CRELD1: variants seen among roughly 807,000 people sequenced by gnomAD.
CRELD1 encodes the protein CRELD disulfide isomerase 1, also known as protein disulfide isomerase CRELD1.
A neutral mutation model predicts 58.2 loss-of-function variants in CRELD1; 42 were observed. The observed-to-expected ratio is 0.72, with a 90% CI of 0.56 to 0.93. CRELD1 has a LOEUF of 0.93. Ranked by LOEUF, CRELD1 falls within the 40% of genes least tolerant of loss-of-function variation. CRELD1 has a pLI of 0.00. For synonymous variants in CRELD1, 222 were observed against 202.0 expected (o/e 1.10, Z -0.84); for missense variants, 500 against 540.6 (o/e 0.92, Z 0.74).
At chr3:9,935,282 G>C (rs754848977) in intron 3 of CRELD1, among the ~76,000 whole-genome samples, 6 of 152,208 alleles carry the variant, frequency 3.9e-5, no homozygotes, top group Non-Finnish European at 7.3e-5. Flanking sequence ...GGATGGGACT[G>C]AGCTTGGTGT....
In CRELD1 at chr3:9,933,939, C is replaced by T; in HGVS notation, c.-20+19C>T. On this transcript the variant is annotated intron_variant, in intron 1 of 10. Transcript: ENST00000452070. ...TACGAGGGTCTGGATCCTTCTCTGC[C>T]GGCTCGTGGGCCGTGCCTTTGCCCT... The T allele has an allele frequency of 2.7e-6, 1 of 364,230 alleles. No homozygotes were observed. The highest frequency in any genetic ancestry group is 5.0e-6 in the Non-Finnish European group (1 of 198,224). The allele number at this position is 364,230 out of a possible 1,614,324, so 22.6% of individuals were successfully genotyped here. A position where few individuals can be genotyped will look rare whatever the true frequency, so the allele number is the denominator to read the frequency against.
rs756789276 is a variant in CRELD1, at chr3:9,937,623, C to T, written c.319C>T (p.Arg107Cys). 45 of 1,612,134 alleles carry T rather than the reference C, an allele frequency of 2.8e-5. No individual in the cohort carries two copies. The highest frequency in any genetic ancestry group is 1.3e-4 in the South Asian group (12 of 90,378). The change falls in exon 4 of 11, where the codon CGC (arginine) becomes TGC (cysteine). Residue 107 changes from arginine (R) to cysteine (C), a missense_variant. Arg to Cys is a radical substitution (Grantham distance 180). Coordinates refer to ENST00000452070, the MANE Select transcript of CRELD1 (RefSeq NM_001077415.3). Reference sequence around the variant, plus strand: ...CAGCAAGTCAGACTTCGAGTGCCACCGCCTGCTGGAGCTGAGTGAGGAGCT... The same window carrying T: ...CAGCAAGTCAGACTTCGAGTGCCACTGCCTGCTGGAGCTGAGTGAGGAGCT... ...VCSKSDFECHRLLELSEELVE... is the reference protein window; with the variant it reads ...VCSKSDFECHCLLELSEELVE...
intron 5 of CRELD1, 35 bp downstream of exon 5, chr3:9,938,141 G>T: frequency 6.7e-7 from 1 of 1,501,410 alleles, no homozygotes; most frequent in South Asian, 1.1e-5. Flanking sequence ...GATGGGAGGG[G>T]ACCACCGAGT....
intron 3 of CRELD1, among the ~76,000 whole-genome samples, chr3:9,937,297 A>G (rs1164044987): frequency 6.6e-6 from 1 of 152,216 alleles, no homozygotes; most frequent in Non-Finnish European, 1.5e-5. Context: ...GTATGTTACA[A>G]CAAACCTGCA....
At position 9,938,053 on chromosome 3, in the gene CRELD1, C is replaced by T. The variant is rs115049151; in HGVS notation, c.407C>T (p.Ser136Leu). The change falls in exon 5 of 11, where the codon TCA becomes TTA. Residue 136 changes from serine to leucine, a missense_variant. Ser to Leu is a moderately radical substitution (Grantham distance 145). Transcript: ENST00000452070. Reference protein sequence around the residue: ...EAPDLFQWLCSDSLKLCCPAG... With the variant: ...EAPDLFQWLCLDSLKLCCPAG... ...CCGGACCTCTTCCAGTGGCTGTGCTCAGATTCCCTGAAGCTCTGCTGCCCC... is the reference window on the plus strand; with the variant it reads ...CCGGACCTCTTCCAGTGGCTGTGCTTAGATTCCCTGAAGCTCTGCTGCCCC... The T allele has an allele frequency of 8.1e-6, 13 of 1,613,904 alleles. No homozygotes were observed. Among genetic ancestry groups the T allele is most frequent in the African/African-American group, 2.7e-5 (2 of 74,922 alleles).
chr3:9,940,825 C>T, intron 5 of CRELD1, 25 bp from the exon 6 acceptor site: 1 of 1,590,816 alleles, frequency 6.3e-7, no homozygotes. Flanking sequence ...TAGATGACCT[C>T]ACCTGGTTTG....
chr3:9,944,284 G>A (rs1287726940), intron 10 of CRELD1, 81 bp from the exon 11 acceptor site: 4 of 1,257,326 alleles, frequency 3.2e-6, no homozygotes, highest in Admixed American at 3.4e-5. Flanking sequence ...ATGATCAGGT[G>A]TGTGGGAGTT....
chr3:9,943,790 C>T lies in CRELD1; in HGVS notation c.1048+275C>T. On this transcript the variant is annotated intron_variant, in intron 10 of 10. Transcript: ENST00000452070. Reference sequence around the variant, plus strand: ...CTATCCAATGGGACCAGTGTTTGCCCTGGCCTGCTGAGAGCTGTCCTAGGC... The same window carrying T: ...CTATCCAATGGGACCAGTGTTTGCCTTGGCCTGCTGAGAGCTGTCCTAGGC... The T allele has an allele frequency of 1.9e-6, 3 of 1,609,326 alleles. No homozygotes were observed. The Admixed American group carries it at 5.0e-5, about 27-fold the overall frequency.
At chr3:9,939,164 TAAATAAATAAATA>T (rs1393706041) in intron 5 of CRELD1, among the ~76,000 whole-genome samples, 2 of 150,048 alleles carry the variant, frequency 1.3e-5, no homozygotes, top group African/African-American at 5.0e-5. Context: ...AATAAATAAA[TAAATAAATAAATA>T]AATAAATAAA....
In CRELD1 at chr3:9,944,725, C is replaced by T; in HGVS notation, c.*146C>T. ...CTGCCTTACAGAGCAGCCCAGGTAC[C>T]CAGGCCCGGGCAGACAAGGCCCCTG... is the stretch of plus-strand genomic sequence containing the variant. On this transcript the variant is annotated 3_prime_UTR_variant, in exon 11 of 11. Coordinates refer to ENST00000452070, the MANE Select transcript of CRELD1 (RefSeq NM_001077415.3). 1.3e-6 allele frequency: 1 copy of T among 788,440 alleles called. No homozygotes were observed. Among genetic ancestry groups the T allele is most frequent in the East Asian group, 2.7e-5 (1 of 37,272 alleles). The allele number at this position is 788,440 out of a possible 1,614,324, so 48.8% of individuals were successfully genotyped here. A position where few individuals can be genotyped will look rare whatever the true frequency, so the allele number is the denominator to read the frequency against.
chr3:9,942,347 AG>A (rs1259994610), intron 7 of CRELD1, among the ~76,000 whole-genome samples: 2 of 151,864 alleles, frequency 1.3e-5, no homozygotes, highest in East Asian at 3.9e-4. Context: ...TGAGTAGTCC[AG>A]GCTGGCAGGG....
At chr3:9,934,727 C>T in intron 2 of CRELD1, 108 bp from the exon 3 acceptor site, 1 of 1,496,194 alleles carries the variant, frequency 6.7e-7, no homozygotes, top group Non-Finnish European at 9.2e-7. Flanking sequence ...AGTTGTATGG[C>T]CCTAGGCAGG....
At chr3:9,942,415 C>T (rs967584572) in intron 7 of CRELD1, among the ~76,000 whole-genome samples, 13 of 152,224 alleles carry the variant, frequency 8.5e-5, no homozygotes, top group African/African-American at 3.1e-4. Flanking sequence ...ACTTACTGCA[C>T]AATCATCCCC....
In CRELD1 at chr3:9,940,700, GCC is replaced by G; in HGVS notation, c.461-149_461-148del. 5.0e-6 allele frequency: 3 copies of G among 601,014 alleles called. 1 individual carries two copies. Among genetic ancestry groups the G allele is most frequent in the South Asian group, 3.7e-5 (2 of 53,442 alleles). The allele number at this position is 601,014 out of a possible 1,614,324, so 37.2% of individuals were successfully genotyped here. A position where few individuals can be genotyped will look rare whatever the true frequency, so the allele number is the denominator to read the frequency against. ...AGACCATGGGGAGAGGGAGAGGGAG[GCC>G]ATGGGGAGAGGGAGAGGGAAAGGGG... On this transcript the variant is annotated intron_variant, in intron 5 of 10. Transcript: ENST00000452070.
chr3:9,942,820 TGA>T lies in CRELD1; in HGVS notation c.743_744del (p.Glu248ValfsTer11). On this transcript the variant is annotated frameshift_variant, in exon 8 of 11. Coordinates refer to ENST00000452070, the MANE Select transcript of CRELD1 (RefSeq NM_001077415.3). LOFTEE classifies it high-confidence loss of function. The stretch of plus-strand genomic sequence containing the variant: ...CTGCTCACCTCTCTGCAGACATTGA[TGA>T]GTGTGGCACAGAGGGAGCCAACTGT... Reference protein sequence around the residue: ...LHHLKCVDIDECGTEGANCGA... With the variant: ...LHHLKCVDIDXCGTEGANCGA... 6.2e-7 allele frequency: 1 copy of T among 1,613,764 alleles called. No homozygotes were observed. The highest frequency in any genetic ancestry group is 8.5e-7 in the Non-Finnish European group (1 of 1,179,644).
At chr3:9,936,096 A>G (rs2085184837) in intron 3 of CRELD1, 1 of 152,216 alleles carries the variant, frequency 6.6e-6, no homozygotes, top group Non-Finnish European at 1.5e-5. Flanking sequence ...GGAGTCAGCA[A>G]AGGCTCAGAG....
At chr3:9,936,403 A>T (rs1258578427) in intron 3 of CRELD1, 1 of 152,076 alleles carries the variant, frequency 6.6e-6, no homozygotes, top group Non-Finnish European at 1.5e-5. Flanking sequence ...CCTATATGCC[A>T]GGCACTGTGC....
At chr3:9,941,302 C>G (rs573132102) in intron 7 of CRELD1, 96 bp downstream of exon 7, 85 of 1,082,516 alleles carry the variant, frequency 7.9e-5, no homozygotes, top group Non-Finnish European at 1.1e-4. Flanking sequence ...CTAGCCTAGT[C>G]TCCACCTTCA....
intron 7 of CRELD1, among the ~76,000 whole-genome samples, chr3:9,941,634 C>CA (rs1217800350): frequency 6.6e-6 from 1 of 151,544 alleles, no homozygotes; most frequent in Non-Finnish European, 1.5e-5. Flanking sequence ...ACTAAAAATA[C>CA]AAAAAATTAG....
Sources: allele counts gnomAD v4.1 joint callset (sites outside exome capture counted in the v4.1 genomes callset), GRCh38; gene constraint gnomAD v4.1.1; transcripts MANE v1.5; gene names NCBI Gene and HGNC (gene_info 2026-07-23, HGNC 2026-07-21).